Variants in KASH5 observed in about 807,000 individuals in gnomAD.
KASH5 encodes the protein KASH domain containing 5, also known as protein KASH5.
A neutral mutation model predicts 84.2 loss-of-function variants in KASH5; 72 were observed. That is an observed-to-expected ratio of 0.85 (90% CI 0.71 to 1.04). The LOEUF (loss-of-function observed/expected upper bound fraction) is 1.04. Among genes scored for constraint, KASH5 ranks in the 50% least tolerant of loss-of-function variants. KASH5 has a pLI of 0.00. For missense variants in KASH5, 650 were observed against 701.0 expected (o/e 0.93, Z 0.82); for synonymous variants, 260 against 279.1 (o/e 0.93, Z 0.68).
chr19:49,413,281 A>AG (rs893842698), intron 16 of KASH5, among the ~76,000 whole-genome samples: 3 of 152,050 alleles, frequency 2.0e-5, no homozygotes, highest in South Asian at 2.1e-4. Flanking sequence ...GAATGGGGTG[A>AG]GGGGGGGCCT....
chr19:49,417,419 T>C lies in KASH5; in HGVS notation c.1598T>C (p.Leu533Pro), dbSNP rs201898526. 620 of 1,555,684 alleles carry C rather than the reference T, an allele frequency of 4.0e-4. 1 individual carries two copies. Among genetic ancestry groups the C allele is most frequent in the Non-Finnish European group, 3.1e-4 (359 of 1,149,532 alleles). ...IPAPVLGLLLLLLLSVLLLGP... is the reference protein window; with the variant it reads ...IPAPVLGLLLPLLLSVLLLGP... ...GCTCCTGTCCTGGGCCTGCTGCTGC[T>C]GCTGCTGCTCTCTGTCCTGCTGCTT... Residue 533 changes from leucine to proline, a missense_variant, in exon 20 of 20, where the codon CTG becomes CCG. Physicochemically the swap from Leu to Pro is moderately conservative, Grantham distance 98. Coordinates refer to ENST00000447857, the MANE Select transcript of KASH5 (RefSeq NM_144688.5). This position sits in a 1 kb window ranked among gnomAD's most constrained non-coding sequence, Gnocchi z 5.2.
At chr19:49,394,986 G>A (rs1600899595) in intron 3 of KASH5, 120 bp from the exon 4 acceptor site, 4 of 734,384 alleles carry the variant, frequency 5.4e-6, no homozygotes, top group African/African-American at 1.8e-5. Context: ...TGTCTCCACT[G>A]GGCCATGGAG....
At chr19:49,389,122 C>CCAGT (rs10644629) in intron 1 of KASH5, among the ~76,000 whole-genome samples, 54,229 of 105,252 alleles carry the variant, frequency 0.52, 14,890 homozygotes, top group South Asian at 0.63. Context: ...CCCCAGAAAT[C>CCAGT]CAGAGACCCC....
In KASH5 at chr19:49,395,999, C is replaced by T. The variant is rs1195701589; in HGVS notation, c.400+166C>T. Among the ~76,000 whole-genome samples the T allele has an allele frequency of 6.6e-6, 1 of 152,066 alleles. No individual in the cohort carries two copies. The highest frequency in any genetic ancestry group is 1.9e-4 in the East Asian group (1 of 5,182). ...GTCCTCCGTCCCTTCCTTCCGTGAG[C>T]TTTGGGTTTCTTTTCTTCAGAGGGT... On this transcript the variant is annotated intron_variant, in intron 5 of 19. Transcript: ENST00000447857. This position sits in a 1 kb window ranked among gnomAD's most constrained non-coding sequence, Gnocchi z 4.4.
intron 12 of KASH5, among the ~76,000 whole-genome samples, 155 bp downstream of exon 12, chr19:49,407,826 C>T (rs894220510): frequency 6.6e-6 from 1 of 152,222 alleles, no homozygotes; most frequent in African/African-American, 2.4e-5. Context: ...CATGTCTCCC[C>T]CTCTGTTTCT....
In KASH5 at chr19:49,398,959, ATC is replaced by A. The variant is rs1974273644; in HGVS notation, c.630-64_630-63del. 3 of 1,236,202 alleles carry A rather than the reference ATC, an allele frequency of 2.4e-6. No homozygotes were observed. In the African/African-American group the frequency reaches 4.5e-5, roughly 19 times the overall value. The allele number at this position is 1,236,202 out of a possible 1,614,324, so 76.6% of individuals were successfully genotyped here. ...CTGTTGCTAGTGTCTCTCAGAATGG[ATC>A]TGTCTCTGTGCTTCTCTGCCTTCCT... On this transcript the variant is annotated intron_variant, in intron 7 of 19. Coordinates refer to ENST00000447857, the MANE Select transcript of KASH5 (RefSeq NM_144688.5).
chr19:49,399,515 G>A lies in KASH5; in HGVS notation c.798+8G>A, dbSNP rs779780932. The A allele has an allele frequency of 6.2e-7, 1 of 1,604,498 alleles. No homozygotes were observed. Among genetic ancestry groups the A allele is most frequent in the African/African-American group, 1.3e-5 (1 of 74,794 alleles). On this transcript the variant is annotated splice_region_variant and intron_variant, in intron 9 of 19. Transcript: ENST00000447857. The surrounding 1 kb of genome is among the most constrained non-coding windows in gnomAD (Gnocchi z 4.4). Reference sequence around the variant, plus strand: ...GAGACTCTGCAGGAGGAGGTGAGCGGAGGCCCAGCACCACCCCCACCCCTT... The same window carrying A: ...GAGACTCTGCAGGAGGAGGTGAGCGAAGGCCCAGCACCACCCCCACCCCTT...
chr19:49,413,023 T>C lies in KASH5; in HGVS notation c.1325T>C (p.Met442Thr). The part of the protein sequence containing the change: ...HPEEGRKEPS[M>T]WLTRREEEED... ...GAAGAAGGAAGGAAGGAGCCATCCA[T>C]GTGGTAAGGAGCTGAGCCATCCGTC... Residue 442 changes from methionine to threonine, a missense_variant, in exon 16 of 20, where the codon ATG (methionine) becomes ACG (threonine). Transcript: ENST00000447857. 3.1e-6 allele frequency: 5 copies of C among 1,612,614 alleles called. No homozygotes were observed. Among genetic ancestry groups the C allele is most frequent in the Non-Finnish European group, 4.2e-6 (5 of 1,179,804 alleles).
In KASH5 at chr19:49,417,316, A is replaced by G; in HGVS notation, c.1547+50A>G. 6.3e-7 allele frequency: 1 copy of G among 1,581,626 alleles called. No homozygotes were observed. Among genetic ancestry groups the G allele is most frequent in the Non-Finnish European group, 8.6e-7 (1 of 1,163,456 alleles). On this transcript the variant is annotated intron_variant, in intron 19 of 19. Coordinates refer to ENST00000447857, the MANE Select transcript of KASH5 (RefSeq NM_144688.5). This position sits in a 1 kb window ranked among gnomAD's most constrained non-coding sequence, Gnocchi z 5.2. Reference sequence around the variant, plus strand: ...GGAAGGAGGTGGTCTGACATTGGGAAGAGCAGGGGCTGCCCAGACCCTGCC... The same window carrying G: ...GGAAGGAGGTGGTCTGACATTGGGAGGAGCAGGGGCTGCCCAGACCCTGCC...
Position 49,417,251 on chromosome 19 carries a change from C to T in KASH5, c.1532C>T (p.Pro511Leu). The part of the protein sequence containing the change: ...RRRAWGQLCL[P>L]PQRLRVTRHP... ...AGGGCCTGGGGCCAGCTCTGCCTGC[C>T]CCCACAGCGGCTCAGGTGTGCCCCC... Residue 511 changes from proline to leucine, a missense_variant, in exon 19 of 20, where the codon CCC (proline) becomes CTC (leucine). Physicochemically the swap from Pro to Leu is moderately conservative, Grantham distance 98 (BLOSUM62 -3). Coordinates refer to ENST00000447857, the MANE Select transcript of KASH5 (RefSeq NM_144688.5). The surrounding 1 kb of genome is among the most constrained non-coding windows in gnomAD (Gnocchi z 5.2). 6.2e-7 allele frequency: 1 copy of T among 1,613,086 alleles called. No homozygotes were observed. Among genetic ancestry groups the T allele is most frequent in the South Asian group, 1.1e-5 (1 of 90,904 alleles).
chr19:49,401,102 C>G (rs1974347756), intron 9 of KASH5, among the ~76,000 whole-genome samples: 1 of 152,210 alleles, frequency 6.6e-6, no homozygotes, highest in Non-Finnish European at 1.5e-5. Flanking sequence ...CCCGCATTGC[C>G]TTTGGATCTC....
At chr19:49,392,859 C>T (rs1351332520) in intron 2 of KASH5, among the ~76,000 whole-genome samples, 2 of 151,184 alleles carry the variant, frequency 1.3e-5, no homozygotes, top group East Asian at 1.9e-4. Context: ...TTGCAGTGAG[C>T]GGAGATCACG....
In KASH5 at chr19:49,406,973, C is replaced by T. The variant is rs754777243; in HGVS notation, c.876+10C>T. On this transcript the variant is annotated intron_variant, in intron 10 of 19. Transcript: ENST00000447857. ...GAAGGACACTTTGAAGGTGCCACTC[C>T]TTCCTAGTGCCTGACAACTTTCCAC... 5 of 1,576,290 alleles carry T rather than the reference C, an allele frequency of 3.2e-6. No homozygotes were observed. Among genetic ancestry groups the T allele is most frequent in the Non-Finnish European group, 4.3e-6 (5 of 1,160,916 alleles).
At chr19:49,398,346 T>C (rs1358426136) in intron 7 of KASH5, among the ~76,000 whole-genome samples, 1 of 152,080 alleles carries the variant, frequency 6.6e-6, no homozygotes, top group African/African-American at 2.4e-5. Context: ...TATCTTTCCC[T>C]TGAGGGTTCA....
At chr19:49,403,385 A>AG (rs10570219) in intron 9 of KASH5, among the ~76,000 whole-genome samples, 1,542 of 103,342 alleles carry the variant, frequency 0.015, 49 homozygotes, top group Admixed American at 0.098. Context: ...ATAAAAAAAA[A>AG]GGGGGGGGGC....
In KASH5 at chr19:49,399,305, C is replaced by T; in HGVS notation, c.748-152C>T. 1.1e-6 allele frequency: 1 copy of T among 941,722 alleles called. No individual in the cohort carries two copies. The highest frequency in any genetic ancestry group is 1.6e-6 in the Non-Finnish European group (1 of 623,500). 58.3% of individuals were successfully genotyped at this position (941,722 alleles called of 1,614,324 possible). A position where few individuals can be genotyped will look rare whatever the true frequency, so the allele number is the denominator to read the frequency against. On this transcript the variant is annotated intron_variant, in intron 8 of 19. Coordinates refer to ENST00000447857, the MANE Select transcript of KASH5 (RefSeq NM_144688.5). The surrounding 1 kb of genome is among the most constrained non-coding windows in gnomAD (Gnocchi z 4.4). ...AGACTTTTTCAAGCTTACCTGCCAT[C>T]CTTCTCATGACAAAGGAGACAGCAG...
rs184574888 is a variant in KASH5, at chr19:49,395,444, G to C, written c.335+152G>C. 5.7e-4 allele frequency among the ~76,000 whole-genome samples: 81 copies of C among 142,378 alleles called. No homozygotes were observed. Among genetic ancestry groups the C allele is most frequent in the Non-Finnish European group, 8.8e-4 (60 of 67,974 alleles). The allele number at this position is 142,378 out of a possible 152,430, so 93.4% of individuals were successfully genotyped here. ...AAAAATGAAGAGACGGGATTCAGAG[G>C]GGGTAGATAGGGAGTCTGAGGACAA... On this transcript the variant is annotated intron_variant, in intron 4 of 19. Transcript: ENST00000447857. The surrounding 1 kb of genome is among the most constrained non-coding windows in gnomAD (Gnocchi z 4.4).
Position 49,395,009 on chromosome 19 carries a change from C to T in KASH5, c.149-97C>T, listed in dbSNP as rs2146850559. 1.1e-6 allele frequency: 1 copy of T among 950,124 alleles called. No individual in the cohort carries two copies. Among genetic ancestry groups the T allele is most frequent in the Non-Finnish European group, 1.5e-6 (1 of 654,962 alleles). The allele number at this position is 950,124 out of a possible 1,614,324, so 58.9% of individuals were successfully genotyped here. ...CTGGGCCATGGAGCAGGAGTGCCAC[C>T]AGCCTAGCCAGTGACATCCTGGTCC... On this transcript the variant is annotated intron_variant, in intron 3 of 19. Coordinates refer to ENST00000447857, the MANE Select transcript of KASH5 (RefSeq NM_144688.5). This position sits in a 1 kb window ranked among gnomAD's most constrained non-coding sequence, Gnocchi z 4.4.
At chr19:49,415,223 A>C (rs922633422) in intron 17 of KASH5, 1 of 589,044 alleles carries the variant, frequency 1.7e-6, no homozygotes, top group Non-Finnish European at 3.0e-6. Context: ...CTCCCAGGGG[A>C]CCCTCCCAGC....
Sources: gnomAD v4.1 joint callset for allele counts (sites outside exome capture counted in the v4.1 genomes callset) on GRCh38, gnomAD v4.1.1 for gene constraint, Gnocchi (gnomAD v3.1) non-coding constraint, MANE v1.5 for transcripts, NCBI Gene and HGNC (gene_info 2026-07-23, HGNC 2026-07-21) for gene names.